SHANK1: variants seen among roughly 807,000 people sequenced by gnomAD.
The protein encoded by SHANK1 is SH3 and multiple ankyrin repeat domains 1, also known as SH3 and multiple ankyrin repeat domains protein 1.
SHANK1 carries 35 observed loss-of-function variants against 165.6 expected under a neutral mutation model. The observed-to-expected ratio is 0.21, with a 90% CI of 0.16 to 0.28. The LOEUF is 0.28. Among genes scored for constraint, SHANK1 ranks in the 10% least tolerant of loss-of-function variants. The probability of loss-of-function intolerance (pLI) is 1.00; values close to 1 mark genes in which losing one functional copy is unlikely to be tolerated. For missense variants in SHANK1, 2,681 were observed against 3,036.4 expected (o/e 0.88, Z 2.75); for synonymous variants, 1,428 against 1,384.8 (o/e 1.03, Z -0.69).
rs1352177093 is a variant in SHANK1 at position 50,716,658 on chromosome 19, T to C, written c.255+7A>G. ...CTCCTGCCGCTGGCCAGTGGGCAGG[T>C]ACTCACTGTCTGGTGCAGGTCCGGG... On this transcript the variant is annotated splice_region_variant and intron_variant, in intron 2 of 23. Coordinates refer to ENST00000293441, the MANE Select transcript of SHANK1 (RefSeq NM_016148.5). This position sits in a 1 kb window ranked among gnomAD's most constrained non-coding sequence, Gnocchi z 8.4. 6.4e-7 allele frequency: 1 copy of C among 1,564,138 alleles called. No individual in the cohort carries two copies. The highest frequency in any genetic ancestry group is 8.7e-7 in the Non-Finnish European group (1 of 1,154,294).
At chr19:50,682,252 C>T (rs1290236399) in intron 21 of SHANK1, among the ~76,000 whole-genome samples, 1 of 151,932 alleles carries the variant, frequency 6.6e-6, no homozygotes, top group African/African-American at 2.4e-5. Context: ...GACGGGGTTT[C>T]ACTATGTTTG....
chr19:50,662,785 G>A lies in SHANK1; in HGVS notation c.5769-103C>T. The A allele has an allele frequency of 9.1e-7, 1 of 1,095,906 alleles. No homozygotes were observed. The highest frequency in any genetic ancestry group is 1.3e-6 in the Non-Finnish European group (1 of 757,526). The allele number at this position is 1,095,906 out of a possible 1,614,324, so 67.9% of individuals were successfully genotyped here. On this transcript the variant is annotated intron_variant, in intron 23 of 23. Coordinates refer to ENST00000293441, the MANE Select transcript of SHANK1 (RefSeq NM_016148.5). The surrounding 1 kb of genome is among the most constrained non-coding windows in gnomAD (Gnocchi z 7.7). Reference sequence around the variant, plus strand: ...CAAGATATAGGGAGAGAGGAGGAGAGACATAAGGGTAGGGGGAGAGACGGA... The same window carrying A: ...CAAGATATAGGGAGAGAGGAGGAGAAACATAAGGGTAGGGGGAGAGACGGA...
At chr19:50,696,739 G>GGGAC (rs1986752949) in intron 15 of SHANK1, among the ~76,000 whole-genome samples, 2 of 152,050 alleles carry the variant, frequency 1.3e-5, no homozygotes, top group Admixed American at 1.3e-4. Flanking sequence ...TGCACAGAGA[G>GGGAC]GGACGGATGT....
intron 23 of SHANK1, chr19:50,663,035 C>T (rs1023698694): frequency 6.3e-5 from 20 of 319,360 alleles, no homozygotes; most frequent in African/African-American, 4.4e-4. Context: ...TCAGTTTAAT[C>T]CCCACGACAG....
chr19:50,667,601 G>T lies in SHANK1; in HGVS notation c.4359C>A (p.Pro1453=). Residue 1453 remains proline, a synonymous_variant, in exon 23 of 24, where the codon CCC becomes CCA. Coordinates refer to ENST00000293441, the MANE Select transcript of SHANK1 (RefSeq NM_016148.5). The surrounding 1 kb of genome is among the most constrained non-coding windows in gnomAD (Gnocchi z 5.7). Reference sequence around the variant, plus strand: ...GCTGCAGCAGGAGGGGCCCCACCCCGGGAGCGGTGGGCGGCAGGCGGTGTA... The same window carrying T: ...GCTGCAGCAGGAGGGGCCCCACCCCTGGAGCGGTGGGCGGCAGGCGGTGTA... ...SLLHRLPPTA[P]GVGPLLLQLG... 1 of 1,437,632 alleles carries T rather than the reference G, an allele frequency of 7.0e-7. No homozygotes were observed. The highest frequency in any genetic ancestry group is 1.5e-5 in the African/African-American group (1 of 66,848). 89.1% of individuals were successfully genotyped at this position (1,437,632 alleles called of 1,614,324 possible). A position where few individuals can be genotyped will look rare whatever the true frequency, so the allele number is the denominator to read the frequency against.
intron 8 of SHANK1, among the ~76,000 whole-genome samples, chr19:50,710,491 T>C (rs2088994569): frequency 6.6e-6 from 1 of 152,170 alleles, no homozygotes; most frequent in Admixed American, 6.5e-5. Context: ...ATTGAGGCTT[T>C]CCATGGGGCT....
chr19:50,711,904 T>C (rs773477319), intron 7 of SHANK1, 43 bp downstream of exon 7: 3 of 1,611,582 alleles, frequency 1.9e-6, no homozygotes, highest in Middle Eastern at 1.7e-4. Context: ...CCTCAGGGAC[T>C]GGGTCCCCCA....
intron 6 of SHANK1, 21 bp from the exon 7 acceptor site, chr19:50,712,135 C>A: frequency 6.4e-7 from 1 of 1,556,842 alleles, no homozygotes; most frequent in Non-Finnish European, 8.7e-7. Flanking sequence ...AGAGAGAACC[C>A]AGTAGAAAAA....
At position 50,667,269 on chromosome 19, in the gene SHANK1, A is replaced by C. The variant is rs1453083767; in HGVS notation, c.4691T>G (p.Val1564Gly). 6.3e-7 allele frequency: 1 copy of C among 1,596,558 alleles called. No homozygotes were observed. Among genetic ancestry groups the C allele is most frequent in the African/African-American group, 1.3e-5 (1 of 74,874 alleles). Residue 1564 changes from valine (V) to glycine (G), a missense_variant, in exon 23 of 24, where the codon GTG becomes GGG. Physicochemically the swap from Val to Gly is moderately radical, Grantham distance 109. Coordinates refer to ENST00000293441, the MANE Select transcript of SHANK1 (RefSeq NM_016148.5). The surrounding 1 kb of genome is among the most constrained non-coding windows in gnomAD (Gnocchi z 5.7). ...TTCCAGAGGCGGAGGCAGCGGTTCC[A>C]CGAAAAGGAATTCGCCATCTTCCAC... ...VDVEDGEFLF[V>G]EPLPPPLEFS...
At chr19:50,665,974 G>C (rs1432567482) in intron 23 of SHANK1, among the ~76,000 whole-genome samples, 2 of 150,186 alleles carry the variant, frequency 1.3e-5, no homozygotes, top group East Asian at 3.9e-4. Context: ...TCACGCCATT[G>C]CACTCCAGCC....
chr19:50,671,608 C>G (rs1985796866), intron 22 of SHANK1, among the ~76,000 whole-genome samples: 1 of 151,876 alleles, frequency 6.6e-6, no homozygotes, highest in Non-Finnish European at 1.5e-5. Flanking sequence ...AGGGCAGGAA[C>G]CTTTAGTCTG....
At chr19:50,694,686 T>C (rs1986669526) in intron 15 of SHANK1, among the ~76,000 whole-genome samples, 1 of 147,194 alleles carries the variant, frequency 6.8e-6, no homozygotes, top group Non-Finnish European at 1.5e-5. Context: ...GGGGAGAGGA[T>C]TCCAGGGAGG....
At position 50,687,915 on chromosome 19, in the gene SHANK1, A is replaced by C. The variant is rs12975345; in HGVS notation, c.2308+8T>G. The C allele has an allele frequency of 6.2e-7, 1 of 1,613,648 alleles. No homozygotes were observed. The highest frequency in any genetic ancestry group is 8.5e-7 in the Non-Finnish European group (1 of 1,179,786). ...GTGGGGTGGCTGCGAGAGTGGCCGCAGGAGCACCTTTCTTGTGCACTGCCT... is the reference window on the plus strand; with the variant it reads ...GTGGGGTGGCTGCGAGAGTGGCCGCCGGAGCACCTTTCTTGTGCACTGCCT... On this transcript the variant is annotated splice_region_variant and intron_variant, in intron 18 of 23. Coordinates refer to ENST00000293441, the MANE Select transcript of SHANK1 (RefSeq NM_016148.5).
chr19:50,710,245 TGA>T (rs1205932484), intron 8 of SHANK1, among the ~76,000 whole-genome samples: 2 of 152,214 alleles, frequency 1.3e-5, no homozygotes, highest in Non-Finnish European at 2.9e-5. Flanking sequence ...TGACAAACAC[TGA>T]GTCTTCCCTG....
At chr19:50,711,348 G>T in intron 8 of SHANK1, 23 bp downstream of exon 8, 1 of 1,520,282 alleles carries the variant, frequency 6.6e-7, no homozygotes, top group Middle Eastern at 1.7e-4. Flanking sequence ...TGAGGGGCCT[G>T]GGGTGGCCGC....
rs774795392 is a variant in SHANK1, at chr19:50,666,565, C to T, written c.5395G>A (p.Ala1799Thr). ...VTGAGTDGLL[A>T]LRACSGPPTA... is the part of the protein sequence containing the mutation. ...GGGGGTCCTGAACAAGCACGCAGGG[C>T]CAGCAGCCCATCGGTTCCAGCCCCT... Residue 1799 changes from alanine to threonine, a missense_variant, in exon 23 of 24, where the codon GCC becomes ACC. Physicochemically the swap from Ala to Thr is moderately conservative, Grantham distance 58. Around this residue, in one of 10 missense-constraint regions of SHANK1, gnomAD observed 1,713 missense variants for 1,630.2 expected, o/e 1.05. Coordinates refer to ENST00000293441, the MANE Select transcript of SHANK1 (RefSeq NM_016148.5). The T allele has an allele frequency of 1.9e-6, 3 of 1,599,484 alleles. No individual in the cohort carries two copies. Among genetic ancestry groups the T allele is most frequent in the East Asian group, 4.5e-5 (2 of 44,428 alleles).
At position 50,670,176 on chromosome 19, in the gene SHANK1, C is replaced by T. The variant is rs1985741153; in HGVS notation, c.2675-891G>A. ...CTCCTGATCTCCTCACCAACAGACT[C>T]CTCCCAGCCCACGGTCCCTCCCCAC... On this transcript the variant is annotated intron_variant, in intron 22 of 23. Coordinates refer to ENST00000293441, the MANE Select transcript of SHANK1 (RefSeq NM_016148.5). This position sits in a 1 kb window ranked among gnomAD's most constrained non-coding sequence, Gnocchi z 4.1. 6.6e-6 allele frequency among the ~76,000 whole-genome samples: 1 copy of T among 152,142 alleles called. No individual in the cohort carries two copies. Among genetic ancestry groups the T allele is most frequent in the South Asian group, 2.1e-4 (1 of 4,828 alleles).
At chr19:50,664,411 T>C (rs879801976) in intron 23 of SHANK1, among the ~76,000 whole-genome samples, 2 of 152,214 alleles carry the variant, frequency 1.3e-5, no homozygotes, top group Non-Finnish European at 2.9e-5. Flanking sequence ...CATCCCGTAT[T>C]TCCCCACGTA....
chr19:50,662,552 C>T lies in SHANK1; in HGVS notation c.5899G>A (p.Gly1967Arg), dbSNP rs1985297089. ...GVSPTAAAAP[G>R]ATSPSASSSS... ...GAGGAGGCTGAGGGTGAGGTGGCCC[C>T]TGGGGCCGCAGCGGCTGTAGGGGAG... The change falls in exon 24 of 24, where the codon GGG (glycine) becomes AGG (arginine). Residue 1967 changes from glycine to arginine, a missense_variant. This residue lies in a region of SHANK1 where 1,713 missense variants were observed against 1,630.2 expected (regional missense o/e 1.05). Transcript: ENST00000293441. This position sits in a 1 kb window ranked among gnomAD's most constrained non-coding sequence, Gnocchi z 7.7. 1.3e-6 allele frequency: 2 copies of T among 1,561,676 alleles called. No individual in the cohort carries two copies. The highest frequency in any genetic ancestry group is 1.7e-6 in the Non-Finnish European group (2 of 1,152,576).
Sources: allele counts gnomAD v4.1 joint callset (sites outside exome capture counted in the v4.1 genomes callset), GRCh38; gene constraint gnomAD v4.1.1; regional missense constraint gnomAD v4.1.1; non-coding constraint Gnocchi (gnomAD v3.1); transcripts MANE v1.5; gene names NCBI Gene and HGNC (gene_info 2026-07-23, HGNC 2026-07-21).